Variants in TRNT1 observed in about 807,000 individuals in gnomAD.
TRNT1 encodes tRNA nucleotidyl transferase 1.
In TRNT1, 44 loss-of-function variants were observed where a neutral mutation model predicts 45.6. The observed-to-expected ratio is 0.97, with a 90% CI of 0.76 to 1.24. The LOEUF (loss-of-function observed/expected upper bound fraction) is 1.24, where lower values mean the gene tolerates loss of function less well. Among genes scored for constraint, TRNT1 ranks in the 50% most tolerant of loss-of-function variants. The probability of loss-of-function intolerance (pLI) is 0.00; values close to 1 mark genes in which losing one functional copy is unlikely to be tolerated. For missense variants in TRNT1, 633 were observed against 504.4 expected, an observed-to-expected ratio of 1.25 and a Z score of -2.44; for synonymous variants, 201 against 171.4, an observed-to-expected ratio of 1.17 and a Z score of -1.35.
chr3:3,148,389 G>GA lies in TRNT1; in HGVS notation c.*239dup, dbSNP rs1706209848. 3 of 414,950 alleles carry GA rather than the reference G, an allele frequency of 7.2e-6. No homozygotes were observed. The highest frequency in any genetic ancestry group is 8.2e-5 in the Admixed American group (2 of 24,270). The allele number at this position is 414,950 out of a possible 1,614,324, so 25.7% of individuals were successfully genotyped here. ...GTTCTTTTGGAATAGTTTCACCTGA[G>GA]AAAACATAGTTGGCTATTATCTATC... On this transcript the variant is annotated 3_prime_UTR_variant, in exon 8 of 8. Transcript: ENST00000251607.
chr3:3,151,482 G>A (rs1170858084), downstream of TRNT1, among the ~76,000 whole-genome samples: 3 of 113,748 alleles, frequency 2.6e-5, no homozygotes, highest in African/African-American at 6.0e-5. Flanking sequence ...GGAAGGACAC[G>A]TCTCAAAAAG....
intron 2 of TRNT1, among the ~76,000 whole-genome samples, chr3:3,135,317 G>C (rs1705256904): frequency 6.6e-6 from 1 of 152,148 alleles, no homozygotes; most frequent in Admixed American, 6.5e-5. Flanking sequence ...CAAGAGATGA[G>C]ACAAATAGGT....
chr3:3,149,768 A>C (rs1706357262), downstream of TRNT1: 1 of 152,122 alleles, frequency 6.6e-6, no homozygotes, highest in Admixed American at 6.6e-5. Context: ...CACTCAACTG[A>C]TTTCACTCCA....
chr3:3,138,811 C>G (rs955482271), intron 3 of TRNT1, among the ~76,000 whole-genome samples: 2 of 152,144 alleles, frequency 1.3e-5, no homozygotes, highest in African/African-American at 2.4e-5. Context: ...CTTAGGATAT[C>G]TACTATAGTT....
chr3:3,146,753 A>AAAG, intron 6 of TRNT1, 130 bp downstream of exon 6: 1 of 908,486 alleles, frequency 1.1e-6, no homozygotes, highest in Admixed American at 3.0e-5. Flanking sequence ...AAAATAAGAC[A>AAAG]AAGTTTGGGT....
At chr3:3,144,943 AAG>A (rs1705895370) in intron 5 of TRNT1, 1 of 250,026 alleles carries the variant, frequency 4.0e-6, no homozygotes. Flanking sequence ...CTACAATTTT[AAG>A]TCATCTTTTT....
intron 4 of TRNT1, among the ~76,000 whole-genome samples, chr3:3,143,932 G>T (rs1248950458): frequency 1.3e-5 from 2 of 152,128 alleles, no homozygotes; most frequent in Non-Finnish European, 2.9e-5. Context: ...TTCCTTTATA[G>T]GTAGCCTATT....
Position 3,144,728 on chromosome 3 carries a change from T to TA in TRNT1, c.608+24dup. On this transcript the variant is annotated intron_variant, in intron 5 of 7. Coordinates refer to ENST00000251607, the MANE Select transcript of TRNT1 (RefSeq NM_182916.3). ...TACTTCAGGTAAGAATTTTTAAAAA[T>TA]AAAAAATGATAGTTTTAATATCATG... The TA allele has an allele frequency of 4.0e-6, 6 of 1,506,524 alleles. No individual in the cohort carries two copies. Among genetic ancestry groups the TA allele is most frequent in the Middle Eastern group, 3.9e-4 (2 of 5,160 alleles). 93.3% of individuals were successfully genotyped at this position (1,506,524 alleles called of 1,614,324 possible). A position where few individuals can be genotyped will look rare whatever the true frequency, so the allele number is the denominator to read the frequency against.
At chr3:3,128,598 C>CAAA (rs111647168) in intron 1 of TRNT1, among the ~76,000 whole-genome samples, 1,909 of 95,702 alleles carry the variant, frequency 0.02, 119 homozygotes, top group African/African-American at 0.051. Flanking sequence ...GACTCCATCT[C>CAAA]AAAAAAAAAA....
intron 1 of TRNT1, among the ~76,000 whole-genome samples, chr3:3,128,425 C>G (rs1379169484): frequency 6.6e-6 from 1 of 151,880 alleles, no homozygotes; most frequent in Non-Finnish European, 1.5e-5. Flanking sequence ...GGTAAAACCC[C>G]GTCTCTACCC....
chr3:3,152,333 T>G, downstream of TRNT1: 1 of 1,089,312 alleles, frequency 9.2e-7, no homozygotes. Context: ...TTGTAGCAAA[T>G]TACTCATTTG....
At chr3:3,136,248 A>T (rs62228615) in intron 2 of TRNT1, among the ~76,000 whole-genome samples, 10,371 of 152,164 alleles carry the variant, frequency 0.068, 668 homozygotes, top group African/African-American at 0.17. Flanking sequence ...ATGTTTCTGT[A>T]CCACAGACCC....
In TRNT1 at chr3:3,147,924, A is replaced by G. The variant is rs768470872; in HGVS notation, c.1075A>G (p.Thr359Ala). ...FIIDSREPDA[T>A]TRVCELLKYQ... ...CACGTAGTCTAGGGAACCTGATGCA[A>G]CTACTCGTGTATGTGAACTACTGAA... is the stretch of plus-strand genomic sequence containing the variant. The change falls in exon 8 of 8, where the codon ACT becomes GCT. Residue 359 changes from threonine to alanine, a missense_variant. Coordinates refer to ENST00000251607, the MANE Select transcript of TRNT1 (RefSeq NM_182916.3). The G allele has an allele frequency of 5.0e-6, 8 of 1,612,810 alleles. No homozygotes were observed. The highest frequency in any genetic ancestry group is 6.8e-6 in the Non-Finnish European group (8 of 1,179,302).
At chr3:3,147,734 T>TGAA (rs1706143714) in intron 7 of TRNT1, 31 bp downstream of exon 7, 4 of 1,565,762 alleles carry the variant, frequency 2.6e-6, no homozygotes, top group South Asian at 2.4e-5. Context: ...GTCAGAAATA[T>TGAA]GAAGTATCGT....
chr3:3,147,450 G>T lies in TRNT1; in HGVS notation c.803G>T (p.Gly268Val), dbSNP rs1263073877. 6.2e-7 allele frequency: 1 copy of T among 1,613,180 alleles called. No individual in the cohort carries two copies. Reference protein sequence around the residue: ...IYDLDVAPYIGLPANASLEEF... With the variant: ...IYDLDVAPYIVLPANASLEEF... ...GTGAAAAATGCTTTTGTCCCTACAG[G>T]TTTACCTGCTAATGCAAGTTTAGAA... Residue 268 changes from glycine to valine, a missense_variant and splice_region_variant, in exon 7 of 8, where the codon GGT becomes GTT. Physicochemically the swap from Gly to Val is moderately radical, Grantham distance 109. Transcript: ENST00000251607.
At position 3,144,593 on chromosome 3, in the gene TRNT1, G is replaced by T; in HGVS notation, c.491G>T (p.Gly164Val). The T allele has an allele frequency of 6.3e-7, 1 of 1,578,544 alleles. No homozygotes were observed. Among genetic ancestry groups the T allele is most frequent in the South Asian group, 1.2e-5 (1 of 86,268 alleles). Residue 164 changes from glycine (G) to valine (V), a missense_variant, in exon 5 of 8, where the codon GGC becomes GTC. Physicochemically the swap from Gly to Val is moderately radical, Grantham distance 109. Transcript: ENST00000251607. ...TINSMFLGFD[G>V]TLFDYFNGYE... ...CTTTTCTAATGAATAGGTTTTGATG[G>T]CACTTTATTTGACTACTTTAATGGT...
chr3:3,151,597 C>A (rs1201603027), downstream of TRNT1, among the ~76,000 whole-genome samples: 1 of 152,156 alleles, frequency 6.6e-6, no homozygotes, highest in Non-Finnish European at 1.5e-5. Context: ...GCAACTGTTT[C>A]CTTATTTTTT....
At chr3:3,152,475 C>CTG, downstream of TRNT1, 1 of 1,613,694 alleles carries the variant, frequency 6.2e-7, no homozygotes, top group Non-Finnish European at 8.5e-7. Context: ...CAGCTGTGTT[C>CTG]TGTAGAAGGC....
At chr3:3,152,858 T>C (rs995699702), downstream of TRNT1, 1 of 475,756 alleles carries the variant, frequency 2.1e-6, no homozygotes, top group Non-Finnish European at 3.8e-6. Context: ...AGACAGACAT[T>C]GTAAAGAATA....
Sources: gnomAD v4.1 joint callset for allele counts (sites outside exome capture counted in the v4.1 genomes callset) on GRCh38, gnomAD v4.1.1 for gene constraint, MANE v1.5 for transcripts, NCBI Gene and HGNC (gene_info 2026-07-23, HGNC 2026-07-21) for gene names.